Variants in CCDC6 observed in about 807,000 individuals in gnomAD.
CCDC6 encodes the protein coiled-coil domain-containing protein 6.
CCDC6 carries 20 observed loss-of-function variants against 56.6 expected under a neutral mutation model. The observed-to-expected ratio is 0.35, with a 90% CI of 0.25 to 0.51. The LOEUF (loss-of-function observed/expected upper bound fraction) is 0.51, where lower values mean the gene tolerates loss of function less well. Among genes scored for constraint, CCDC6 ranks in the 20% least tolerant of loss-of-function variants. CCDC6 has a pLI of 0.95. For synonymous variants in CCDC6, 241 were observed against 234.4 expected (o/e 1.03, Z -0.26); for missense variants, 367 against 601.1 (o/e 0.61, Z 4.07).
chr10:59,824,332 C>G (rs1032553973), intron 3 of CCDC6, among the ~76,000 whole-genome samples: 3 of 152,296 alleles, frequency 2.0e-5, no homozygotes, highest in African/African-American at 7.2e-5. Context: ...CAAATCAACT[C>G]AACAGACAGC....
intron 1 of CCDC6, among the ~76,000 whole-genome samples, chr10:59,876,955 G>A (rs1483861342): frequency 6.6e-6 from 1 of 152,142 alleles, no homozygotes; most frequent in Non-Finnish European, 1.5e-5. Flanking sequence ...TACACACCTA[G>A]GCTATGTGGT....
At chr10:59,811,046 G>A (rs949366020) in intron 5 of CCDC6, among the ~76,000 whole-genome samples, 6 of 152,166 alleles carry the variant, frequency 3.9e-5, no homozygotes, top group African/African-American at 2.4e-5. Flanking sequence ...TGGAAAAGGC[G>A]AGGAAACAGA....
At chr10:59,886,242 C>T (rs1373714599) in intron 1 of CCDC6, among the ~76,000 whole-genome samples, 2 of 152,162 alleles carry the variant, frequency 1.3e-5, no homozygotes, top group Non-Finnish European at 2.9e-5. Context: ...GCCAATTACA[C>T]TTGAATCCAT....
At chr10:59,812,463 C>CAAA (rs11408656) in intron 5 of CCDC6, among the ~76,000 whole-genome samples, 172 bp downstream of exon 5, 9 of 141,932 alleles carry the variant, frequency 6.3e-5, no homozygotes, top group Non-Finnish European at 1.1e-4. Context: ...CTATAACACT[C>CAAA]AAAAAAAAAA....
rs1388453423 is a variant in CCDC6, at chr10:59,906,174, C to T, written c.251G>A (p.Cys84Tyr). 1 of 1,611,760 alleles carries T rather than the reference C, an allele frequency of 6.2e-7. No homozygotes were observed. The highest frequency in any genetic ancestry group is 1.7e-5 in the Admixed American group (1 of 59,816). Residue 84 changes from cysteine (C) to tyrosine (Y), a missense_variant, in exon 1 of 9, where the codon TGC becomes TAC. Around this residue, in one of 7 missense-constraint regions of CCDC6, gnomAD observed 41 missense variants for 90.8 expected, o/e 0.45. Transcript: ENST00000263102. ...GCGGTTCTCCTCCTGCAGTGCCTTG[C>T]ACTTCAGTTTGTAGGTCTCCAGCTC... ...KIELETYKLK[C>Y]KALQEENRDL...
chr10:59,900,798 C>T (rs2071499136), intron 1 of CCDC6, among the ~76,000 whole-genome samples: 5 of 152,200 alleles, frequency 3.3e-5, no homozygotes, highest in Admixed American at 2.6e-4. Context: ...GTAGCTCACA[C>T]CTGTAATCCT....
At chr10:59,816,180 A>G (rs2070708437) in intron 3 of CCDC6, among the ~76,000 whole-genome samples, 2 of 152,208 alleles carry the variant, frequency 1.3e-5, no homozygotes, top group Admixed American at 6.5e-5. Context: ...ATGAATATGC[A>G]TAAAATCAGC....
At chr10:59,854,982 C>T (rs909039463) in intron 1 of CCDC6, among the ~76,000 whole-genome samples, 3 of 152,186 alleles carry the variant, frequency 2.0e-5, no homozygotes, top group Non-Finnish European at 4.4e-5. Context: ...AGATCAGACT[C>T]AACTTCTTGC....
At chr10:59,878,506 G>A (rs1002153256) in intron 1 of CCDC6, among the ~76,000 whole-genome samples, 7 of 152,150 alleles carry the variant, frequency 4.6e-5, no homozygotes. Flanking sequence ...AAATGAGAAG[G>A]AATTCACAGC....
chr10:59,882,380 CCGCG>C (rs1811118469), intron 1 of CCDC6, among the ~76,000 whole-genome samples: 1 of 10,598 alleles, frequency 9.4e-5, no homozygotes, highest in Non-Finnish European at 1.8e-4. Context: ...GAAAGGAAAG[CCGCG>C]GGGAGAAGGA....
chr10:59,843,778 TTG>T (rs1371358959), intron 2 of CCDC6, among the ~76,000 whole-genome samples: 2 of 152,202 alleles, frequency 1.3e-5, no homozygotes, highest in African/African-American at 4.8e-5. Context: ...AATCAAAGCC[TTG>T]TGTCTCTCAT....
At chr10:59,839,476 G>A (rs1037117447) in intron 2 of CCDC6, among the ~76,000 whole-genome samples, 3 of 152,178 alleles carry the variant, frequency 2.0e-5, no homozygotes, top group Non-Finnish European at 4.4e-5. Context: ...GGTTGGGGGT[G>A]GGGTGGATTA....
At chr10:59,886,695 A>C (rs1350712200) in intron 1 of CCDC6, among the ~76,000 whole-genome samples, 1 of 152,262 alleles carries the variant, frequency 6.6e-6, no homozygotes, top group African/African-American at 2.4e-5. Flanking sequence ...GCCAAGTCAA[A>C]AGACAATTGA....
At chr10:59,804,676 C>T in intron 6 of CCDC6, 156 bp from the exon 7 acceptor site, 2 of 595,472 alleles carry the variant, frequency 3.4e-6, no homozygotes, top group Non-Finnish European at 6.1e-6. Context: ...AAATGGACTC[C>T]TGAGTCACAC....
chr10:59,878,019 A>G (rs142357378), intron 1 of CCDC6, among the ~76,000 whole-genome samples: 13 of 152,360 alleles, frequency 8.5e-5, no homozygotes, highest in East Asian at 1.9e-4. Flanking sequence ...TCGGGTATCT[A>G]TGGAATTTAG....
Position 59,895,289 on chromosome 10 carries a change from G to A in CCDC6, c.303+10833C>T, listed in dbSNP as rs140655343. ...TGCACTGCAGCCTGTGTGACAGAGC[G>A]AGACCCTGTCTCAAAGAAAACCGAC... On this transcript the variant is annotated intron_variant, in intron 1 of 8. Coordinates refer to ENST00000263102, the MANE Select transcript of CCDC6 (RefSeq NM_005436.5). 4.1e-4 allele frequency among the ~76,000 whole-genome samples: 63 copies of A among 152,250 alleles called. 1 individual carries two copies. Among genetic ancestry groups the A allele is most frequent in the African/African-American group, 1.3e-3 (52 of 41,530 alleles).
chr10:59,814,812 C>T lies in CCDC6; in HGVS notation c.583-57G>A. 4 of 1,156,302 alleles carry T rather than the reference C, an allele frequency of 3.5e-6. 1 individual carries two copies. The highest frequency in any genetic ancestry group is 3.0e-5 in the African/African-American group (2 of 65,884). 71.6% of individuals were successfully genotyped at this position (1,156,302 alleles called of 1,614,324 possible). ...TCAGGCCACTTATACTTTGTTAATACATTTTTTGATTGAACAATTAGGACC... is the reference window on the plus strand; with the variant it reads ...TCAGGCCACTTATACTTTGTTAATATATTTTTTGATTGAACAATTAGGACC... On this transcript the variant is annotated intron_variant, in intron 3 of 8. Coordinates refer to ENST00000263102, the MANE Select transcript of CCDC6 (RefSeq NM_005436.5).
At chr10:59,851,673 C>T (rs2071040702) in intron 2 of CCDC6, among the ~76,000 whole-genome samples, 1 of 152,074 alleles carries the variant, frequency 6.6e-6, no homozygotes, top group African/African-American at 2.4e-5. Context: ...ATTACAACCT[C>T]ACTAATATAT....
chr10:59,897,746 T>G (rs2071474695), intron 1 of CCDC6, among the ~76,000 whole-genome samples: 1 of 152,240 alleles, frequency 6.6e-6, no homozygotes, highest in Non-Finnish European at 1.5e-5. Flanking sequence ...ACAGGTGAAG[T>G]GTTTAACACA....
Sources: gnomAD v4.1 joint callset for allele counts (sites outside exome capture counted in the v4.1 genomes callset) on GRCh38, gnomAD v4.1.1 for gene constraint, gnomAD v4.1.1 regional missense constraint, MANE v1.5 for transcripts, NCBI Gene and HGNC (gene_info 2026-07-23, HGNC 2026-07-21) for gene names.